DHX34: variants seen among roughly 807,000 people sequenced by gnomAD.
DHX34 encodes the protein DExH-box helicase 34.
Under a neutral mutation model 111.1 loss-of-function variants are expected in DHX34, and 96 were observed. The ratio of observed to expected loss-of-function variants is 0.86; its 90% CI spans 0.73 to 1.02. The LOEUF (loss-of-function observed/expected upper bound fraction) is 1.02, where lower values mean the gene tolerates loss of function less well. Ranked by LOEUF, DHX34 falls within the 50% of genes least tolerant of loss-of-function variation. The probability of loss-of-function intolerance (pLI) is 0.00; values close to 1 mark genes in which losing one functional copy is unlikely to be tolerated. For missense variants in DHX34, 1,560 were observed against 1,579.9 expected (o/e 0.99, Z 0.21); for synonymous variants, 688 against 670.4 (o/e 1.03, Z -0.41).
At position 47,360,139 on chromosome 19, in the gene DHX34, G is replaced by T. The variant is rs921493861; in HGVS notation, c.1375+69G>T. On this transcript the variant is annotated intron_variant, in intron 5 of 16. Coordinates refer to ENST00000328771, the MANE Select transcript of DHX34 (RefSeq NM_014681.6). ...AGGAGCATGGGGTCCGGAGGTGTGC[G>T]TGTGTGGCAGGGGCGCACCAGCTTG... 6 of 1,470,376 alleles carry T rather than the reference G, an allele frequency of 4.1e-6. No homozygotes were observed. The African/African-American group carries it at 6.9e-5, about 17-fold the overall frequency. The allele number at this position is 1,470,376 out of a possible 1,614,324, so 91.1% of individuals were successfully genotyped here.
At chr19:47,364,823 C>T (rs1385656255) in intron 6 of DHX34, among the ~76,000 whole-genome samples, 2 of 152,052 alleles carry the variant, frequency 1.3e-5, no homozygotes, top group African/African-American at 4.8e-5. Context: ...AAATATTGCC[C>T]CAGGTCACAC....
rs752272059 is a variant in DHX34 at position 47,355,029 on chromosome 19, C to G, written c.706-10C>G. 1 of 1,612,474 alleles carries G rather than the reference C, an allele frequency of 6.2e-7. No homozygotes were observed. Among genetic ancestry groups the G allele is most frequent in the East Asian group, 2.2e-5 (1 of 44,864 alleles). The stretch of plus-strand genomic sequence containing the variant: ...GGTCCTCTCCTGATCCTTTCTTTCT[C>G]CCACCCCAGGTCGGCTACCAGATCC... On this transcript the variant is annotated splice_polypyrimidine_tract_variant and intron_variant, in intron 2 of 16. Coordinates refer to ENST00000328771, the MANE Select transcript of DHX34 (RefSeq NM_014681.6).
Position 47,377,325 on chromosome 19 carries a change from G to A in DHX34, c.2706+119G>A, listed in dbSNP as rs1003210597. 7.3e-6 allele frequency: 8 copies of A among 1,089,360 alleles called. No individual in the cohort carries two copies. The African/African-American group carries it at 1.1e-4, about 15-fold the overall frequency. The allele number at this position is 1,089,360 out of a possible 1,614,324, so 67.5% of individuals were successfully genotyped here. On this transcript the variant is annotated intron_variant, in intron 13 of 16. Transcript: ENST00000328771. ...CACCTGGCACCTGGGCTGGCCGCAG[G>A]CGTCAGCCTTGGGCCGTTGCTGTGG...
chr19:47,361,207 C>A (rs371299200), intron 5 of DHX34, among the ~76,000 whole-genome samples: 1 of 151,964 alleles, frequency 6.6e-6, no homozygotes, highest in Non-Finnish European at 1.5e-5. Context: ...CATGTAATAC[C>A]AGCACTTTGG....
At position 47,376,423 on chromosome 19, in the gene DHX34, T is replaced by C. The variant is rs774705768; in HGVS notation, c.2482-20T>C. Reference sequence around the variant, plus strand: ...AGAGAGCAGATAGGAGGGCTTGTGCTTTCTCTCTGTCCTCCGCAGATTTTC... The same window carrying C: ...AGAGAGCAGATAGGAGGGCTTGTGCCTTCTCTCTGTCCTCCGCAGATTTTC... On this transcript the variant is annotated intron_variant, in intron 11 of 16. Transcript: ENST00000328771. 1 of 1,606,682 alleles carries C rather than the reference T, an allele frequency of 6.2e-7. No individual in the cohort carries two copies. The highest frequency in any genetic ancestry group is 1.7e-5 in the Admixed American group (1 of 59,280).
Position 47,354,873 on chromosome 19 carries a change from C to T in DHX34, c.706-166C>T, listed in dbSNP as rs556463308. On this transcript the variant is annotated intron_variant, in intron 2 of 16. Coordinates refer to ENST00000328771, the MANE Select transcript of DHX34 (RefSeq NM_014681.6). ...TTCTCTATGTTAGTCAGGCGGATCT[C>T]GAACTCCCTACCTCAGGTGATCCGC... is the stretch of plus-strand genomic sequence containing the variant. 5.3e-5 allele frequency: 43 copies of T among 809,698 alleles called. No homozygotes were observed. In the African/African-American group the frequency reaches 6.0e-4, roughly 11 times the overall value. The allele number at this position is 809,698 out of a possible 1,614,324, so 50.2% of individuals were successfully genotyped here. A position where few individuals can be genotyped will look rare whatever the true frequency, so the allele number is the denominator to read the frequency against.
In DHX34 at chr19:47,360,093, A is replaced by G. The variant is rs1021206617; in HGVS notation, c.1375+23A>G. On this transcript the variant is annotated intron_variant, in intron 5 of 16. Coordinates refer to ENST00000328771, the MANE Select transcript of DHX34 (RefSeq NM_014681.6). ...CCGGTAAGGACCACCATGAGCCCCT[A>G]CCCACCACCCCCAAGGACTTAGGAG... 4 of 1,611,280 alleles carry G rather than the reference A, an allele frequency of 2.5e-6. No homozygotes were observed. In the African/African-American group the frequency reaches 4.0e-5, roughly 16 times the overall value.
At chr19:47,355,404 C>T in intron 3 of DHX34, 54 bp downstream of exon 3, 1 of 1,578,678 alleles carries the variant, frequency 6.3e-7, no homozygotes, top group Middle Eastern at 1.7e-4. Context: ...GGTCTCTGTC[C>T]AAACCTGGAC....
Position 47,359,787 on chromosome 19 carries a change from G to T in DHX34, c.1273-181G>T, listed in dbSNP as rs936288568. ...ACAGAGCAAGACTCCGTCTGAGGGT[G>T]GGGGAGGGCCCAGGATGGCCCAGGT... On this transcript the variant is annotated intron_variant, in intron 4 of 16. Transcript: ENST00000328771. 2.4e-5 allele frequency: 23 copies of T among 940,992 alleles called. 1 individual carries two copies. Among genetic ancestry groups the T allele is most frequent in the Non-Finnish European group, 1.5e-5 (12 of 789,492 alleles). The allele number at this position is 940,992 out of a possible 1,614,324, so 58.3% of individuals were successfully genotyped here.
rs774130153 is a variant in DHX34 at position 47,353,759 on chromosome 19, C to T, written c.705+24C>T. ...AGGTGAGTGGGACGCACCAGGTTTC[C>T]GATTTTTCCAGCGTGACCTTGGGGG... On this transcript the variant is annotated intron_variant, in intron 2 of 16. Transcript: ENST00000328771. This position sits in a 1 kb window ranked among gnomAD's most constrained non-coding sequence, Gnocchi z 4.6. 1.1e-5 allele frequency: 16 copies of T among 1,519,364 alleles called. No individual in the cohort carries two copies. Among genetic ancestry groups the T allele is most frequent in the African/African-American group, 4.1e-5 (3 of 72,592 alleles). The allele number at this position is 1,519,364 out of a possible 1,614,324, so 94.1% of individuals were successfully genotyped here.
intron 9 of DHX34, among the ~76,000 whole-genome samples, chr19:47,374,124 C>G (rs113664920): frequency 2.0e-5 from 3 of 152,134 alleles, no homozygotes; most frequent in African/African-American, 4.8e-5. Flanking sequence ...AGCTTCCCCT[C>G]GATAAAAAGA....
chr19:47,353,105 G>T lies in DHX34; in HGVS notation c.75G>T (p.Leu25Phe). The T allele has an allele frequency of 6.2e-7, 1 of 1,614,138 alleles. No homozygotes were observed. The highest frequency in any genetic ancestry group is 8.5e-7 in the Non-Finnish European group (1 of 1,180,022). ...HHRAPSEEEA[L>F]EKWDWNCPET... The stretch of plus-strand genomic sequence containing the variant: ...GGGCTCCCAGCGAGGAAGAGGCCTT[G>T]GAGAAATGGGACTGGAATTGTCCAG... Residue 25 changes from leucine to phenylalanine, a missense_variant, in exon 2 of 17, where the codon TTG becomes TTT. Leu to Phe is a conservative substitution (Grantham distance 22). Coordinates refer to ENST00000328771, the MANE Select transcript of DHX34 (RefSeq NM_014681.6). The surrounding 1 kb of genome is among the most constrained non-coding windows in gnomAD (Gnocchi z 4.6).
At chr19:47,378,099 CCTCCTGG>C (rs572555841) in intron 13 of DHX34, among the ~76,000 whole-genome samples, 96 of 152,274 alleles carry the variant, frequency 6.3e-4, no homozygotes, top group African/African-American at 2.2e-3. Flanking sequence ...CCCCCTCCTG[CCTCCTGG>C]CTCACTACCA....
chr19:47,372,153 C>G (rs558067242), intron 7 of DHX34, among the ~76,000 whole-genome samples: 9 of 151,996 alleles, frequency 5.9e-5, no homozygotes, highest in Admixed American at 4.6e-4. Flanking sequence ...CTCCCAGCCC[C>G]TGCCCCATCT....
chr19:47,367,260 C>T, intron 7 of DHX34, 105 bp downstream of exon 7: 5 of 1,220,716 alleles, frequency 4.1e-6, no homozygotes, highest in Non-Finnish European at 3.2e-6. Context: ...TCCCTGGGTC[C>T]AGTTCATTTA....
In DHX34 at chr19:47,357,916, G is replaced by A. The variant is rs778289113; in HGVS notation, c.1068G>A (p.Lys356=). 1.3e-5 allele frequency: 21 copies of A among 1,613,906 alleles called. No individual in the cohort carries two copies. Among genetic ancestry groups the A allele is most frequent in the Non-Finnish European group, 5.1e-6 (6 of 1,180,036 alleles). ...EAEPTTSKSE[K]LDPRPFLRVL... ...AGCCGACCACGTCCAAGTCAGAGAA[G>A]CTGGACCCGCGGCCTTTCCTGAGGG... is the stretch of plus-strand genomic sequence containing the variant. Residue 356 remains lysine (K), a synonymous_variant, in exon 4 of 17, where the codon AAG becomes AAA. Transcript: ENST00000328771.
intron 6 of DHX34, among the ~76,000 whole-genome samples, chr19:47,363,901 C>T (rs182056548): frequency 1.1e-3 from 173 of 151,810 alleles, no homozygotes; most frequent in Admixed American, 1.2e-3. Flanking sequence ...TAACAGGAAA[C>T]CTAGCAGGAA....
chr19:47,372,846 G>A lies in DHX34; in HGVS notation c.1885G>A (p.Ala629Thr), dbSNP rs548006217. 85 of 1,612,012 alleles carry A rather than the reference G, an allele frequency of 5.3e-5. 1 individual carries two copies. The highest frequency in any genetic ancestry group is 5.1e-4 in the South Asian group (46 of 91,048). ...CAGCGCCCAGAGCAGCCCAGAGTGC[G>A]CGGCAGCACGGCGGCCGCTGGAGAG... The part of the protein sequence containing the change: ...TRSAQSSPEC[A>T]AARRPLESDQ... The change falls in exon 8 of 17, where the codon GCG becomes ACG. Residue 629 changes from alanine (A) to threonine (T), a missense_variant. Ala to Thr is a moderately conservative substitution (Grantham distance 58). Transcript: ENST00000328771.
At chr19:47,374,291 G>A (rs1255675565) in intron 9 of DHX34, among the ~76,000 whole-genome samples, 1 of 151,908 alleles carries the variant, frequency 6.6e-6, no homozygotes, top group African/African-American at 2.4e-5. Flanking sequence ...ACAAAAATTA[G>A]CCAGGCATGG....
Sources: gnomAD v4.1 joint callset for allele counts (sites outside exome capture counted in the v4.1 genomes callset) on GRCh38, gnomAD v4.1.1 for gene constraint, Gnocchi (gnomAD v3.1) non-coding constraint, MANE v1.5 for transcripts, NCBI Gene and HGNC (gene_info 2026-07-23, HGNC 2026-07-21) for gene names.